The following CNTNAP2 variants were observed in gnomAD, a reference collection of about 807,000 sequenced individuals.
The protein encoded by CNTNAP2 is contactin-associated protein-like 2.
In CNTNAP2, 98 loss-of-function variants were observed where a neutral mutation model predicts 155.2. The observed-to-expected ratio is 0.63, with a 90% CI of 0.54 to 0.75. The LOEUF is 0.75. Among genes scored for constraint, CNTNAP2 ranks in the 30% least tolerant of loss-of-function variants. The pLI is 0.00. For missense variants in CNTNAP2, 1,727 were observed against 1,688.1 expected, an observed-to-expected ratio of 1.02 and a Z score of -0.40; for synonymous variants, 651 against 631.2, an observed-to-expected ratio of 1.03 and a Z score of -0.47.
At chr7:148,019,741 G>A (rs886918023) in intron 15 of CNTNAP2, among the ~76,000 whole-genome samples, 1 of 151,858 alleles carries the variant, frequency 6.6e-6, no homozygotes, top group Non-Finnish European at 1.5e-5. Context: ...ACAGGTGTGA[G>A]CCATCGTGCC....
chr7:148,024,939 G>T lies in CNTNAP2; in HGVS notation c.2383+46950G>T, dbSNP rs1346951686. ...TTTGCAAAAATTCTAACAGTGAGAG[G>T]AATCTCACCTGACTCCATCTTGCTT... On this transcript the variant is annotated intron_variant, in intron 15 of 23. Transcript: ENST00000361727. Among the ~76,000 whole-genome samples, 3 of 152,258 alleles carry T rather than the reference G, an allele frequency of 2.0e-5. No homozygotes were observed. In the East Asian group the frequency reaches 5.8e-4, roughly 29 times the overall value.
intron 19 of CNTNAP2, among the ~76,000 whole-genome samples, chr7:148,229,302 T>C (rs116662049): frequency 6.6e-6 from 1 of 152,152 alleles, no homozygotes; most frequent in African/African-American, 2.4e-5. Flanking sequence ...GGCGAACGGA[T>C]AGCCTGAGGT....
intron 1 of CNTNAP2, among the ~76,000 whole-genome samples, chr7:146,122,279 G>A (rs1003405213): frequency 3.9e-5 from 6 of 152,306 alleles, no homozygotes; most frequent in African/African-American, 1.4e-4. Flanking sequence ...TAGTGATAGC[G>A]CGAAGAGCCT....
chr7:146,619,478 A>G (rs906036818), intron 1 of CNTNAP2, among the ~76,000 whole-genome samples: 14 of 152,194 alleles, frequency 9.2e-5, no homozygotes, highest in Non-Finnish European at 7.3e-5. Context: ...TAATTATTCA[A>G]GTAAAAGTAG....
intron 1 of CNTNAP2, among the ~76,000 whole-genome samples, chr7:146,247,206 T>G (rs1364915725): frequency 1.3e-5 from 2 of 152,154 alleles, no homozygotes; most frequent in Non-Finnish European, 2.9e-5. Context: ...TGAAAGAGCC[T>G]AAACGCACAC....
chr7:147,078,285 G>A (rs1175682426), intron 4 of CNTNAP2, among the ~76,000 whole-genome samples: 2 of 152,172 alleles, frequency 1.3e-5, no homozygotes, highest in South Asian at 2.1e-4. Flanking sequence ...TAAGTACGTT[G>A]CTGTATCAAA....
chr7:146,621,745 C>G (rs1484954388), intron 1 of CNTNAP2, among the ~76,000 whole-genome samples: 1 of 152,160 alleles, frequency 6.6e-6, no homozygotes, highest in Non-Finnish European at 1.5e-5. Flanking sequence ...GTTTTCTCTA[C>G]TGCAGTGCAG....
At chr7:146,453,133 A>G (rs775656792) in intron 1 of CNTNAP2, among the ~76,000 whole-genome samples, 74 of 152,320 alleles carry the variant, frequency 4.9e-4, no homozygotes, top group Non-Finnish European at 8.5e-4. Flanking sequence ...CACAGAAACG[A>G]TGTTCCAGAG....
chr7:148,189,679 A>T (rs1213537014), intron 18 of CNTNAP2, among the ~76,000 whole-genome samples: 1 of 152,204 alleles, frequency 6.6e-6, no homozygotes, highest in Non-Finnish European at 1.5e-5. Flanking sequence ...ATTTCTGTTC[A>T]TTGTAAATTA....
chr7:147,030,790 G>A (rs550439333), intron 3 of CNTNAP2, among the ~76,000 whole-genome samples: 1 of 152,254 alleles, frequency 6.6e-6, no homozygotes, highest in South Asian at 2.1e-4. Flanking sequence ...AGGCCAAGGT[G>A]GGAGGATTGC....
intron 1 of CNTNAP2, among the ~76,000 whole-genome samples, chr7:146,383,272 T>C (rs1380774737): frequency 2.0e-5 from 3 of 152,160 alleles, no homozygotes; most frequent in African/African-American, 7.2e-5. Flanking sequence ...TTCCAATCAA[T>C]TTCAATCCAA....
At chr7:147,947,931 T>C (rs1396668740) in intron 14 of CNTNAP2, among the ~76,000 whole-genome samples, 1 of 152,220 alleles carries the variant, frequency 6.6e-6, no homozygotes, top group Non-Finnish European at 1.5e-5. Flanking sequence ...TCCCTGTAGA[T>C]AATTTAGGCT....
intron 1 of CNTNAP2, among the ~76,000 whole-genome samples, chr7:146,128,527 A>G (rs1053360556): frequency 1.3e-5 from 2 of 152,186 alleles, no homozygotes; most frequent in African/African-American, 4.8e-5. Flanking sequence ...ATAGAATCTA[A>G]TTAAATATAA....
intron 21 of CNTNAP2, among the ~76,000 whole-genome samples, chr7:148,326,909 A>G (rs1797902104): frequency 6.6e-6 from 1 of 151,212 alleles, no homozygotes; most frequent in Non-Finnish European, 1.5e-5. Context: ...GAACCTCTGT[A>G]GGGCTGTGTT....
intron 20 of CNTNAP2, among the ~76,000 whole-genome samples, chr7:148,240,930 G>A (rs1796131882): frequency 6.6e-6 from 1 of 152,162 alleles, no homozygotes; most frequent in Non-Finnish European, 1.5e-5. Flanking sequence ...TTTTATCCTA[G>A]CTGCACTGGC....
At chr7:146,610,830 G>A (rs1176970088) in intron 1 of CNTNAP2, among the ~76,000 whole-genome samples, 3 of 152,154 alleles carry the variant, frequency 2.0e-5, no homozygotes, top group Admixed American at 6.5e-5. Context: ...TTTTGAAAAT[G>A]TTCCATCCCC....
chr7:146,921,899 T>G (rs1260027210), intron 3 of CNTNAP2, among the ~76,000 whole-genome samples: 1 of 152,186 alleles, frequency 6.6e-6, no homozygotes, highest in Non-Finnish European at 1.5e-5. Context: ...AAGGTCATTC[T>G]AGGTCCTAGA....
At chr7:146,592,228 A>T (rs1437212731) in intron 1 of CNTNAP2, among the ~76,000 whole-genome samples, 1 of 152,182 alleles carries the variant, frequency 6.6e-6, no homozygotes, top group East Asian at 1.9e-4. Flanking sequence ...TGAGATGAGG[A>T]TCTCTGTGGC....
chr7:147,090,264 C>A (rs555761912), intron 4 of CNTNAP2, among the ~76,000 whole-genome samples: 1 of 152,014 alleles, frequency 6.6e-6, no homozygotes, highest in Non-Finnish European at 1.5e-5. Context: ...TGTTGCCACT[C>A]CAGCTACTGT....
Sources: gnomAD v4.1 joint callset for allele counts (sites outside exome capture counted in the v4.1 genomes callset) on GRCh38, gnomAD v4.1.1 for gene constraint, MANE v1.5 for transcripts, NCBI Gene and HGNC (gene_info 2026-07-23, HGNC 2026-07-21) for gene names.